Variants in DAB1 observed in about 807,000 individuals in gnomAD.
DAB1 encodes DAB adaptor protein 1.
DAB1 carries 15 observed loss-of-function variants against 64.6 expected under a neutral mutation model. The observed-to-expected ratio is 0.23, with a 90% CI of 0.16 to 0.36. The LOEUF is 0.36. DAB1 is among the 10% of genes least tolerant of loss of function. The pLI is 1.00. For missense variants in DAB1, 596 were observed against 706.7 expected (o/e 0.84, Z 1.78); for synonymous variants, 235 against 251.9 (o/e 0.93, Z 0.64).
intron 9 of DAB1, among the ~76,000 whole-genome samples, chr1:57,028,162 A>G (rs1335068719): frequency 6.6e-6 from 1 of 152,100 alleles, no homozygotes; most frequent in Non-Finnish European, 1.5e-5. Context: ...TGTGGGAGGG[A>G]CACACGGGGA....
At chr1:58,447,505 C>T (rs1012397230) in intron 3 of DAB1, among the ~76,000 whole-genome samples, 1 of 152,072 alleles carries the variant, frequency 6.6e-6, no homozygotes. Context: ...ACATGTTGGG[C>T]ACCATTCTAG....
intron 4 of DAB1, among the ~76,000 whole-genome samples, chr1:57,103,672 C>T (rs1286146543): frequency 6.6e-6 from 1 of 152,008 alleles, no homozygotes; most frequent in Non-Finnish European, 1.5e-5. Context: ...ACCCTGTAGG[C>T]CACATCAAGT....
At chr1:57,438,710 G>A (rs1477554401) in intron 7 of DAB1, among the ~76,000 whole-genome samples, 7 of 152,248 alleles carry the variant, frequency 4.6e-5, no homozygotes, top group African/African-American at 1.4e-4. Flanking sequence ...GGAGTCCCAT[G>A]ATAATACATT....
intron 5 of DAB1, among the ~76,000 whole-genome samples, chr1:58,038,144 G>C (rs1647075660): frequency 6.6e-6 from 1 of 152,094 alleles, no homozygotes; most frequent in Admixed American, 6.5e-5. Context: ...TGAATTAGAG[G>C]GGGCAAAAAC....
intron 5 of DAB1, among the ~76,000 whole-genome samples, chr1:58,042,414 T>C (rs1454537223): frequency 2.0e-5 from 3 of 152,174 alleles, no homozygotes; most frequent in South Asian, 2.1e-4. Flanking sequence ...ACTAGGAACA[T>C]AGCAATGAAT....
At chr1:57,831,074 G>A (rs1158259542) in intron 1 of DAB1, among the ~76,000 whole-genome samples, 1 of 152,042 alleles carries the variant, frequency 6.6e-6, no homozygotes, top group Non-Finnish European at 1.5e-5. Flanking sequence ...CCACCATGCT[G>A]GCTAATTTTT....
intron 7 of DAB1, among the ~76,000 whole-genome samples, chr1:57,636,314 G>T (rs547951148): frequency 7.9e-5 from 12 of 152,056 alleles, no homozygotes; most frequent in Non-Finnish European, 1.8e-4. Context: ...CCAGAATTGT[G>T]AGAAAATAAA....
At chr1:57,777,997 T>A (rs1195864450) in intron 6 of DAB1, among the ~76,000 whole-genome samples, 1 of 152,122 alleles carries the variant, frequency 6.6e-6, no homozygotes, top group Non-Finnish European at 1.5e-5. Context: ...GAATAGCCTT[T>A]ACTCTTGGGC....
chr1:58,305,174 C>T (rs1449878842), intron 4 of DAB1, among the ~76,000 whole-genome samples: 1 of 151,990 alleles, frequency 6.6e-6, no homozygotes, highest in Admixed American at 6.6e-5. Flanking sequence ...TCAAGTAATC[C>T]CCCTGCTTCA....
chr1:57,127,132 C>T (rs1053593984), intron 4 of DAB1, among the ~76,000 whole-genome samples: 7 of 152,076 alleles, frequency 4.6e-5, no homozygotes, highest in East Asian at 1.9e-4. Flanking sequence ...TAAATAACCA[C>T]GGCACAGTCA....
chr1:57,699,642 T>TAATAA (rs1222593692), intron 6 of DAB1, among the ~76,000 whole-genome samples: 6 of 152,144 alleles, frequency 3.9e-5, no homozygotes, highest in Non-Finnish European at 8.8e-5. Flanking sequence ...GGGCCAGGTG[T>TAATAA]GGTGGCTCAC....
chr1:58,419,899 C>T (rs369579246), intron 3 of DAB1, among the ~76,000 whole-genome samples: 1 of 152,174 alleles, frequency 6.6e-6, no homozygotes, highest in South Asian at 2.1e-4. Flanking sequence ...TGGCTTCTGG[C>T]CTGTGATAAT....
At chr1:58,085,164 C>T (rs994875806) in intron 5 of DAB1, among the ~76,000 whole-genome samples, 2 of 152,056 alleles carry the variant, frequency 1.3e-5, no homozygotes, top group African/African-American at 4.8e-5. Flanking sequence ...GTGGTGGGAC[C>T]TAGTGCAGAC....
intron 3 of DAB1, among the ~76,000 whole-genome samples, chr1:58,499,505 G>GATAGATAGATAA (rs1431080645): frequency 7.0e-6 from 1 of 143,524 alleles, no homozygotes; most frequent in Admixed American, 7.0e-5. Flanking sequence ...TAGATAGATA[G>GATAGATAGATAA]ATAAATAGAT....
chr1:57,077,631 T>C (rs1652110514), intron 4 of DAB1, among the ~76,000 whole-genome samples: 1 of 152,216 alleles, frequency 6.6e-6, no homozygotes, highest in Non-Finnish European at 1.5e-5. Flanking sequence ...ATGAGCCATT[T>C]ACCAGTGTTT....
At chr1:58,540,665 C>T (rs191826008) in intron 1 of DAB1, among the ~76,000 whole-genome samples, 40 of 148,602 alleles carry the variant, frequency 2.7e-4, no homozygotes, top group African/African-American at 6.0e-4. Flanking sequence ...ACTTTGAAGA[C>T]GTATCAATAG....
intron 4 of DAB1, among the ~76,000 whole-genome samples, chr1:58,334,055 G>A (rs1321889737): frequency 6.6e-6 from 1 of 152,140 alleles, no homozygotes; most frequent in Non-Finnish European, 1.5e-5. Flanking sequence ...ATTGCCATGT[G>A]AGATGCCTGT....
chr1:57,958,031 C>T (rs1645432439), intron 5 of DAB1, among the ~76,000 whole-genome samples: 1 of 151,534 alleles, frequency 6.6e-6, no homozygotes, highest in Non-Finnish European at 1.5e-5. Flanking sequence ...GTTGCCCAGG[C>T]TGGAGTGCAG....
At chr1:57,396,161 A>G (rs991888771) in intron 1 of DAB1, among the ~76,000 whole-genome samples, 3 of 152,200 alleles carry the variant, frequency 2.0e-5, no homozygotes, top group Non-Finnish European at 4.4e-5. Flanking sequence ...GCTCTCACAC[A>G]CCATGCTGTG....
Sources: allele counts gnomAD v4.1 joint callset (sites outside exome capture counted in the v4.1 genomes callset), GRCh38; gene constraint gnomAD v4.1.1; transcripts MANE v1.5; gene names NCBI Gene and HGNC (gene_info 2026-07-23, HGNC 2026-07-21).